Variants in CFAP47 observed in about 807,000 individuals in gnomAD.
The protein encoded by CFAP47 is cilia- and flagella-associated protein 47.
A neutral mutation model predicts 148.1 loss-of-function variants in CFAP47; 29 were observed. The observed-to-expected ratio is 0.20, with a 90% CI of 0.15 to 0.27. CFAP47 has a LOEUF of 0.27. Among genes scored for constraint, CFAP47 ranks in the 10% least tolerant of loss-of-function variants. CFAP47 has a pLI of 1.00. For synonymous variants in CFAP47, 664 were observed against 577.3 expected (o/e 1.15, Z -2.15); for missense variants, 1,872 against 1,697.5 (o/e 1.10, Z -1.81).
chrX:36,149,604 A>AT (rs1684278215), intron 37 of CFAP47, among the ~76,000 whole-genome samples: 4 of 74,390 alleles, frequency 5.4e-5, no homozygotes, highest in African/African-American at 2.4e-4. Context: ...TTATTTATTT[A>AT]TTTATTTATT....
chrX:36,074,863 G>A (rs1195701049), intron 29 of CFAP47, among the ~76,000 whole-genome samples: 4 of 111,412 alleles, frequency 3.6e-5, no homozygotes, highest in African/African-American at 1.3e-4. Context: ...TAGATAAAAT[G>A]TATGAGTGAG....
chrX:36,141,724 A>C (rs776175700), intron 35 of CFAP47, among the ~76,000 whole-genome samples: 43 of 112,528 alleles, frequency 3.8e-4, no homozygotes, highest in African/African-American at 1.4e-3. Flanking sequence ...AGACAATCAA[A>C]GATTATAAGG....
chrX:36,208,128 G>A (rs782719751), intron 45 of CFAP47, among the ~76,000 whole-genome samples: 1 of 111,385 alleles, frequency 9.0e-6, no homozygotes, highest in East Asian at 2.8e-4. Context: ...TGTTAGAAGA[G>A]CATATTGTAG....
intron 3 of CFAP47, among the ~76,000 whole-genome samples, chrX:35,945,098 T>C (rs1009571094): frequency 9.0e-6 from 1 of 111,624 alleles, no homozygotes; most frequent in Admixed American, 9.6e-5. Flanking sequence ...TCATTTACTA[T>C]CTGGGAGGCC....
At chrX:35,991,613 A>G (rs960806035) in intron 16 of CFAP47, among the ~76,000 whole-genome samples, 2 of 110,672 alleles carry the variant, frequency 1.8e-5, no homozygotes, top group African/African-American at 6.5e-5. Flanking sequence ...ACTAGCATAT[A>G]AAGTCCTGAT....
chrX:36,342,430 A>T (rs1941661804), intron 57 of CFAP47, among the ~76,000 whole-genome samples: 1 of 111,917 alleles, frequency 8.9e-6, no homozygotes, highest in Admixed American at 9.5e-5. Flanking sequence ...TATTATTTTT[A>T]AAAATGAGCT....
In CFAP47 at chrX:36,205,126, C is replaced by A. The variant is rs192733640; in HGVS notation, c.6817+16C>A. 21 of 293,200 alleles carry A rather than the reference C, an allele frequency of 7.2e-5. No individual in the cohort carries two copies. In the East Asian group the frequency reaches 9.6e-4, roughly 13 times the overall value. The allele number at this position is 293,200 out of a possible 1,213,427, so 24.2% of individuals were successfully genotyped here. ...AAAGCAAAAGGTAATCAGTGATGTG[C>A]GGCCTAAAAATCTAAGTGTTCCGGG... On this transcript the variant is annotated intron_variant, in intron 45 of 63. Coordinates refer to ENST00000378653, the MANE Select transcript of CFAP47 (RefSeq NM_001304548.2).
intron 43 of CFAP47, among the ~76,000 whole-genome samples, chrX:36,200,752 C>T (rs1049215994): frequency 2.7e-5 from 3 of 111,687 alleles, no homozygotes; most frequent in Admixed American, 1.9e-4. Flanking sequence ...AAAATATTTA[C>T]TTGGCAACAC....
intron 33 of CFAP47, among the ~76,000 whole-genome samples, chrX:36,135,060 T>C (rs12014116): frequency 0.11 from 11,711 of 110,777 alleles, 1,223 homozygotes; most frequent in African/African-American, 0.32. Context: ...ATCGTATGTT[T>C]TCACTCATAA....
At chrX:36,310,777 CAA>C in intron 55 of CFAP47, 54 bp from the exon 56 acceptor site, 1 of 847,305 alleles carries the variant, frequency 1.2e-6, no homozygotes, top group East Asian at 3.8e-5. Context: ...TTAAGTATTG[CAA>C]ATAAAATATA....
Position 36,205,081 on chromosome X carries a change from C to T in CFAP47, c.6788C>T (p.Pro2263Leu). 1 of 296,704 alleles carries T rather than the reference C, an allele frequency of 3.4e-6. No individual in the cohort carries two copies. The allele number at this position is 296,704 out of a possible 1,213,427, so 24.5% of individuals were successfully genotyped here. Reference protein sequence around the residue: ...EKISIPWIPEPQVIKLSKAKA... With the variant: ...EKISIPWIPELQVIKLSKAKA... ...ATCTCCATTCCTTGGATTCCAGAAC[C>T]TCAAGTAATTAAACTTTCAAAAGCA... is the stretch of plus-strand genomic sequence containing the variant. Residue 2263 changes from proline to leucine, a missense_variant, in exon 45 of 64, where the codon CCT (proline) becomes CTT (leucine). By Grantham distance (98) the Pro-to-Leu change is moderately conservative (BLOSUM62 -3). Transcript: ENST00000378653.
Position 36,348,249 on chromosome X carries a change from C to A in CFAP47, c.8564C>A (p.Pro2855His). Reference protein sequence around the residue: ...EMTKANGKYWPIDNFDELDIK... With the variant: ...EMTKANGKYWHIDNFDELDIK... ...ACGAAAGCAAATGGAAAATATTGGC[C>A]TATTGACAATTTTGATGAGTTGGAT... The change falls in exon 58 of 64, where the codon CCT becomes CAT. Residue 2855 changes from proline (P) to histidine (H), a missense_variant. Coordinates refer to ENST00000378653, the MANE Select transcript of CFAP47 (RefSeq NM_001304548.2). 1 of 1,037,629 alleles carries A rather than the reference C, an allele frequency of 9.6e-7. No homozygotes were observed. Among genetic ancestry groups the A allele is most frequent in the Non-Finnish European group, 1.2e-6 (1 of 804,519 alleles). The allele number at this position is 1,037,629 out of a possible 1,213,427, so 85.5% of individuals were successfully genotyped here.
Position 35,989,386 on chromosome X carries a change from A to G in CFAP47, c.2781A>G (p.Glu927=). ...VTWQQGFSSP[E]EGEFILHVFQ... The stretch of plus-strand genomic sequence containing the variant: ...GGCAGCAGGGCTTCAGTTCTCCAGA[A>G]GAAGGAGAATTTATTCTTCATGTCT... Residue 927 remains glutamate, a synonymous_variant, in exon 16 of 64, where the codon GAA becomes GAG. Coordinates refer to ENST00000378653, the MANE Select transcript of CFAP47 (RefSeq NM_001304548.2). The G allele has an allele frequency of 8.3e-7, 1 of 1,210,503 alleles. No individual in the cohort carries two copies. Among genetic ancestry groups the G allele is most frequent in the Non-Finnish European group, 1.1e-6 (1 of 894,142 alleles).
At chrX:36,157,580 C>G (rs1295660544) in intron 37 of CFAP47, among the ~76,000 whole-genome samples, 1 of 111,318 alleles carries the variant, frequency 9.0e-6, no homozygotes, top group Non-Finnish European at 1.9e-5. Context: ...ATTGTATGCT[C>G]TCACAGCACA....
At chrX:36,052,555 T>A (rs1256123982) in intron 26 of CFAP47, among the ~76,000 whole-genome samples, 2 of 112,202 alleles carry the variant, frequency 1.8e-5, no homozygotes, top group Non-Finnish European at 3.8e-5. Context: ...ACTTAACATT[T>A]TTCTGATGAG....
intron 39 of CFAP47, among the ~76,000 whole-genome samples, chrX:36,170,617 GACATGAAC>G (rs1269256940): frequency 1.3e-4 from 14 of 109,531 alleles, no homozygotes; most frequent in Non-Finnish European, 2.5e-4. Context: ...CCCTACAAAG[GACATGAAC>G]ACATCATTTT....
intron 57 of CFAP47, among the ~76,000 whole-genome samples, chrX:36,346,211 C>CTGTG (rs782378818): frequency 2.7e-5 from 3 of 109,351 alleles, no homozygotes; most frequent in South Asian, 7.7e-4. Flanking sequence ...TTGTTTGTTT[C>CTGTG]TGTGTGTGTG....
chrX:36,014,166 T>C (rs2146703810), intron 21 of CFAP47, among the ~76,000 whole-genome samples: 1 of 112,015 alleles, frequency 8.9e-6, no homozygotes, highest in South Asian at 3.7e-4. Flanking sequence ...TTCCTTAGTA[T>C]GAAACATCTT....
chrX:36,365,530 T>C (rs1941867158), intron 61 of CFAP47: 1 of 110,862 alleles, frequency 9.0e-6, no homozygotes, highest in African/African-American at 3.3e-5. Flanking sequence ...GTTTGTTATA[T>C]AGGTAAACTC....
Sources: gnomAD v4.1 joint callset for allele counts (sites outside exome capture counted in the v4.1 genomes callset) on GRCh38, gnomAD v4.1.1 for gene constraint, MANE v1.5 for transcripts, NCBI Gene and HGNC (gene_info 2026-07-23, HGNC 2026-07-21) for gene names.